The following LINGO2 variants were observed in gnomAD, a reference collection of about 807,000 sequenced individuals.
LINGO2 encodes the protein leucine-rich repeat and immunoglobulin-like domain-containing nogo receptor-interacting protein 2.
In LINGO2, 14 loss-of-function variants were observed where a neutral mutation model predicts 30.6. The observed-to-expected ratio is 0.46, with a 90% CI of 0.30 to 0.72. The LOEUF is 0.72. Ranked by LOEUF, LINGO2 falls within the 30% of genes least tolerant of loss-of-function variation. LINGO2 has a pLI of 0.07. For missense variants in LINGO2, 729 were observed against 751.7 expected, an observed-to-expected ratio of 0.97 and a Z score of 0.35; for synonymous variants, 317 against 288.5, an observed-to-expected ratio of 1.10 and a Z score of -1.00.
At chr9:28,836,372 T>C in the LINGO2 span, among the ~76,000 whole-genome samples, 17 of 152,128 alleles carry the variant, frequency 1.1e-4, no homozygotes, top group African/African-American at 1.7e-4. Flanking sequence ...TGGAGTGCAA[T>C]GGGGCGATCT....
intron 1 of LINGO2, among the ~76,000 whole-genome samples, chr9:28,660,117 A>G (rs940697518): frequency 6.6e-6 from 1 of 152,138 alleles, no homozygotes; most frequent in Non-Finnish European, 1.5e-5. Context: ...TAAAAATTGC[A>G]TGTAAAATAA....
intron 4 of LINGO2, among the ~76,000 whole-genome samples, chr9:28,274,319 C>A (rs909522563): frequency 6.6e-6 from 1 of 151,996 alleles, no homozygotes; most frequent in African/African-American, 2.4e-5. Flanking sequence ...AAAAGTAACC[C>A]AGGTCCACTT....
At chr9:28,272,878 C>A (rs535154938) in intron 4 of LINGO2, among the ~76,000 whole-genome samples, 95 of 152,196 alleles carry the variant, frequency 6.2e-4, no homozygotes, top group African/African-American at 2.2e-3. Flanking sequence ...AGGACAGGTA[C>A]CCCCATCTTC....
the LINGO2 span, among the ~76,000 whole-genome samples, chr9:28,756,146 T>C: frequency 1.3e-5 from 2 of 152,016 alleles, no homozygotes. Flanking sequence ...ATCTTGGAAA[T>C]TGCCCAAGAC....
the LINGO2 span, among the ~76,000 whole-genome samples, chr9:28,853,940 GA>G: frequency 1.3e-5 from 2 of 150,346 alleles, no homozygotes; most frequent in South Asian, 2.1e-4. Flanking sequence ...TTTGAAAAGA[GA>G]AAAAAAAATC....
chr9:28,986,914 A>C, the LINGO2 span, among the ~76,000 whole-genome samples: 3 of 151,990 alleles, frequency 2.0e-5, no homozygotes, highest in Admixed American at 6.6e-5. Flanking sequence ...GTTGGAGAAC[A>C]TCTGTGTATT....
chr9:28,393,497 A>C (rs16912821), intron 2 of LINGO2, among the ~76,000 whole-genome samples: 1,741 of 152,328 alleles, frequency 0.011, 34 homozygotes, highest in African/African-American at 0.04. Context: ...TTGCCAAATC[A>C]ATGAAAACTT....
intron 3 of LINGO2, among the ~76,000 whole-genome samples, chr9:28,304,034 G>A (rs1003688555): frequency 6.6e-6 from 1 of 151,966 alleles, no homozygotes; most frequent in African/African-American, 2.4e-5. Flanking sequence ...AACAATGATA[G>A]CTAAAGCACT....
intron 1 of LINGO2, among the ~76,000 whole-genome samples, chr9:28,577,043 C>A (rs1824025546): frequency 1.3e-5 from 2 of 152,286 alleles, no homozygotes; most frequent in South Asian, 4.1e-4. Flanking sequence ...CATTCCTGGG[C>A]TTGGGCCAAG....
At chr9:28,808,473 T>C in the LINGO2 span, among the ~76,000 whole-genome samples, 29 of 152,304 alleles carry the variant, frequency 1.9e-4, no homozygotes, top group East Asian at 5.0e-3. Context: ...GCATTCTCCT[T>C]TGTTTAGTAA....
intron 1 of LINGO2, among the ~76,000 whole-genome samples, chr9:28,518,378 T>G (rs1297999185): frequency 6.6e-6 from 1 of 152,208 alleles, no homozygotes; most frequent in Non-Finnish European, 1.5e-5. Flanking sequence ...CACTCATGTG[T>G]CACCTCCAAT....
the LINGO2 span, among the ~76,000 whole-genome samples, chr9:28,935,442 G>A: frequency 6.6e-6 from 1 of 152,064 alleles, no homozygotes; most frequent in Non-Finnish European, 1.5e-5. Flanking sequence ...GAGACTGGGA[G>A]AGTAGAGAAG....
chr9:28,964,206 G>C, the LINGO2 span, among the ~76,000 whole-genome samples: 2 of 151,792 alleles, frequency 1.3e-5, no homozygotes, highest in African/African-American at 4.8e-5. Flanking sequence ...ATCCAGTTCA[G>C]AAGTTATATG....
chr9:28,442,903 G>A (rs1199393503), intron 2 of LINGO2, among the ~76,000 whole-genome samples: 2 of 152,066 alleles, frequency 1.3e-5, no homozygotes, highest in Non-Finnish European at 2.9e-5. Context: ...CAAATCCTTG[G>A]TTTGGTGTAA....
chr9:28,023,104 A>T (rs918924803), intron 4 of LINGO2, among the ~76,000 whole-genome samples: 1 of 152,134 alleles, frequency 6.6e-6, no homozygotes, highest in Non-Finnish European at 1.5e-5. Flanking sequence ...TTAACATATT[A>T]ATCAGCTATT....
chr9:29,057,675 T>A, the LINGO2 span, among the ~76,000 whole-genome samples: 2 of 152,134 alleles, frequency 1.3e-5, no homozygotes, highest in East Asian at 3.9e-4. Flanking sequence ...AAAAACTACA[T>A]AGAGGCCCTG....
chr9:28,611,017 A>G (rs1825893813), intron 1 of LINGO2, among the ~76,000 whole-genome samples: 1 of 152,150 alleles, frequency 6.6e-6, no homozygotes, highest in Non-Finnish European at 1.5e-5. Context: ...ATGTGCCAAC[A>G]AAACTATTTT....
At chr9:28,302,809 G>A (rs1824199081) in intron 3 of LINGO2, among the ~76,000 whole-genome samples, 1 of 152,166 alleles carries the variant, frequency 6.6e-6, no homozygotes, top group East Asian at 1.9e-4. Flanking sequence ...GTGTCACATT[G>A]TATGCTTTAC....
At chr9:28,589,500 A>G (rs62559758) in intron 1 of LINGO2, among the ~76,000 whole-genome samples, 27,674 of 151,964 alleles carry the variant, frequency 0.18, 2,845 homozygotes, top group Admixed American at 0.29. Context: ...ATTCTTATAC[A>G]CCAATAACAG....
Sources: allele counts gnomAD v4.1 joint callset (sites outside exome capture counted in the v4.1 genomes callset), GRCh38; gene constraint gnomAD v4.1.1; transcripts MANE v1.5; gene names NCBI Gene and HGNC (gene_info 2026-07-23, HGNC 2026-07-21).